The following FAM124A variants were observed in gnomAD, a reference collection of about 807,000 sequenced individuals.
FAM124A encodes family with sequence similarity 124 member A, also known as protein FAM124A.
In FAM124A, 23 loss-of-function variants were observed where a neutral mutation model predicts 24.5. The ratio of observed to expected loss-of-function variants is 0.94; its 90% CI spans 0.68 to 1.33. The LOEUF is 1.33. Ranked by LOEUF, FAM124A falls within the 40% of genes most tolerant of loss-of-function variation. The probability of loss-of-function intolerance (pLI) is 0.00; values close to 1 mark genes in which losing one functional copy is unlikely to be tolerated. For synonymous variants in FAM124A, 287 were observed against 314.7 expected (o/e 0.91, Z 0.93); for missense variants, 623 against 722.8 (o/e 0.86, Z 1.58).
intron 1 of FAM124A, chr13:51,227,407 T>C (rs1404945600): frequency 6.6e-6 from 1 of 152,222 alleles, no homozygotes; most frequent in African/African-American, 2.4e-5. Context: ...TTGCTTGAAA[T>C]GCTGCTGCTG....
In FAM124A at chr13:51,280,648, G is replaced by A. The variant is rs199909455; in HGVS notation, c.1033G>A (p.Gly345Arg). The A allele has an allele frequency of 7.5e-5, 121 of 1,614,056 alleles. No individual in the cohort carries two copies. The Admixed American group carries it at 1.3e-3, about 17-fold the overall frequency. Reference protein sequence around the residue: ...LPPGHQQEFAGRANSTPNPPW... With the variant: ...LPPGHQQEFARRANSTPNPPW... ...TCCTGGGCACCAGCAGGAATTTGCC[G>A]GACGAGCCAACAGCACCCCCAACCC... Residue 345 changes from glycine (G) to arginine (R), a missense_variant, in exon 4 of 4, where the codon GGA becomes AGA. Coordinates refer to ENST00000322475, the MANE Select transcript of FAM124A (RefSeq NM_001242312.2).
chr13:51,280,436 C>G lies in FAM124A; in HGVS notation c.835-14C>G. On this transcript the variant is annotated splice_polypyrimidine_tract_variant and intron_variant, in intron 3 of 3. Coordinates refer to ENST00000322475, the MANE Select transcript of FAM124A (RefSeq NM_001242312.2). Reference sequence around the variant, plus strand: ...CCCATCCTGCACTAATGTGATCTGCCTCTCCCCCCACAGGCACAAAGGGTG... The same window carrying G: ...CCCATCCTGCACTAATGTGATCTGCGTCTCCCCCCACAGGCACAAAGGGTG... 6.4e-7 allele frequency: 1 copy of G among 1,572,350 alleles called. No individual in the cohort carries two copies. The highest frequency in any genetic ancestry group is 2.3e-5 in the East Asian group (1 of 44,348).
chr13:51,248,344 T>C (rs183909542), intron 2 of FAM124A, among the ~76,000 whole-genome samples: 21 of 152,364 alleles, frequency 1.4e-4, no homozygotes, highest in African/African-American at 5.0e-4. Context: ...GTGGGCTTCC[T>C]GGCCTGCCAT....
intron 3 of FAM124A, among the ~76,000 whole-genome samples, chr13:51,263,753 T>C (rs952901420): frequency 6.6e-6 from 1 of 152,222 alleles, no homozygotes; most frequent in Non-Finnish European, 1.5e-5. Context: ...ATTTGGTATT[T>C]ATAAATTATA....
In FAM124A at chr13:51,278,902, C is replaced by T. The variant is rs2137714100; in HGVS notation, c.835-1548C>T. Among the ~76,000 whole-genome samples, 2 of 152,302 alleles carry T rather than the reference C, an allele frequency of 1.3e-5. 1 individual carries two copies. The highest frequency in any genetic ancestry group is 4.1e-4 in the South Asian group (2 of 4,820). ...TGACACTGGGAACATTTAGACGTCC[C>T]CTGGCATTCCTTGCATGGGAACCTT... On this transcript the variant is annotated intron_variant, in intron 3 of 3. Transcript: ENST00000322475.
At chr13:51,276,165 G>C (rs1003960880) in intron 3 of FAM124A, among the ~76,000 whole-genome samples, 26 of 152,190 alleles carry the variant, frequency 1.7e-4, no homozygotes, top group African/African-American at 5.8e-4. Context: ...CAAGGAGCTT[G>C]TTCAGGTTTG....
intron 2 of FAM124A, among the ~76,000 whole-genome samples, chr13:51,240,484 GA>G (rs1055309271): frequency 6.6e-6 from 1 of 152,166 alleles, no homozygotes; most frequent in Non-Finnish European, 1.5e-5. Context: ...CAATTATGGA[GA>G]TAATTGGGCC....
rs188282925 is a variant in FAM124A, at chr13:51,232,254, T to C, written c.100+875T>C. Among the ~76,000 whole-genome samples, 21 of 152,210 alleles carry C rather than the reference T, an allele frequency of 1.4e-4. No individual in the cohort carries two copies. The East Asian group carries it at 3.9e-3, about 28-fold the overall frequency. On this transcript the variant is annotated intron_variant, in intron 2 of 3. Coordinates refer to ENST00000322475, the MANE Select transcript of FAM124A (RefSeq NM_001242312.2). Reference sequence around the variant, plus strand: ...CCTCATAACTAGAAAGAATTGAGAGTGATTAAGATTACTACATAAATGACC... The same window carrying C: ...CCTCATAACTAGAAAGAATTGAGAGCGATTAAGATTACTACATAAATGACC...
At position 51,280,796 on chromosome 13, in the gene FAM124A, A is replaced by C. The variant is rs747083506; in HGVS notation, c.1181A>C (p.Glu394Ala). 46 of 1,614,032 alleles carry C rather than the reference A, an allele frequency of 2.9e-5. No homozygotes were observed. The East Asian group carries it at 1.0e-3, about 35-fold the overall frequency. ...NTGAPGHRAS[E>A]WRHGHLLSID... is the part of the protein sequence containing the mutation. ...GGTGCCCCAGGGCACAGGGCATCAG[A>C]GTGGAGGCATGGCCACCTCCTCTCC... The change falls in exon 4 of 4, where the codon GAG becomes GCG. Residue 394 changes from glutamate to alanine, a missense_variant. Glu to Ala is a moderately radical substitution (Grantham distance 107). Transcript: ENST00000322475.
chr13:51,241,998 G>A (rs371126180), intron 2 of FAM124A, among the ~76,000 whole-genome samples: 5 of 152,162 alleles, frequency 3.3e-5, no homozygotes, highest in Non-Finnish European at 1.5e-5. Context: ...TTCCTCCCAC[G>A]AGCTCTAGTG....
intron 3 of FAM124A, among the ~76,000 whole-genome samples, chr13:51,254,585 A>T (rs570247425): frequency 6.6e-6 from 1 of 152,288 alleles, no homozygotes; most frequent in Admixed American, 6.5e-5. Flanking sequence ...GTTGTTGAAG[A>T]TTCCTCTGGA....
In FAM124A at chr13:51,281,962, A is replaced by T. The variant is rs1055521977; in HGVS notation, c.*706A>T. The T allele has an allele frequency of 6.6e-6, 1 of 152,162 alleles. No individual in the cohort carries two copies. The highest frequency in any genetic ancestry group is 1.5e-5 in the Non-Finnish European group (1 of 68,034). 9.4% of individuals were successfully genotyped at this position (152,162 alleles called of 1,614,324 possible). A position where few individuals can be genotyped will look rare whatever the true frequency, so the allele number is the denominator to read the frequency against. The stretch of plus-strand genomic sequence containing the variant: ...AAAATATGTGAGTTCCAGAAAGTAG[A>T]TTTGCATACACCTTTTCAACAGCAC... On this transcript the variant is annotated 3_prime_UTR_variant, in exon 4 of 4. Coordinates refer to ENST00000322475, the MANE Select transcript of FAM124A (RefSeq NM_001242312.2).
At chr13:51,247,015 G>T (rs1415445515) in intron 2 of FAM124A, among the ~76,000 whole-genome samples, 1 of 152,250 alleles carries the variant, frequency 6.6e-6, no homozygotes, top group Non-Finnish European at 1.5e-5. Context: ...GCACTGCTGA[G>T]ATGTGAAGAC....
chr13:51,279,711 C>T (rs1217547311), intron 3 of FAM124A, among the ~76,000 whole-genome samples: 1 of 152,180 alleles, frequency 6.6e-6, no homozygotes, highest in Non-Finnish European at 1.5e-5. Flanking sequence ...TATGACAGGG[C>T]AAAGCTGCTC....
intron 2 of FAM124A, among the ~76,000 whole-genome samples, chr13:51,232,353 G>T (rs1036256618): frequency 3.9e-5 from 6 of 152,268 alleles, no homozygotes; most frequent in African/African-American, 9.6e-5. Context: ...GGCCCTGATT[G>T]TTTAAATCAG....
chr13:51,244,466 T>C (rs1449832564), intron 2 of FAM124A, among the ~76,000 whole-genome samples: 1 of 152,200 alleles, frequency 6.6e-6, no homozygotes, highest in Non-Finnish European at 1.5e-5. Flanking sequence ...CAGTGACAAA[T>C]TGTGTCTAAA....
At chr13:51,259,512 AAC>A (rs1954711596) in intron 3 of FAM124A, among the ~76,000 whole-genome samples, 1 of 151,352 alleles carries the variant, frequency 6.6e-6, no homozygotes, top group African/African-American at 2.4e-5. Context: ...TCCCCACATA[AAC>A]ACACGCCGGC....
intron 2 of FAM124A, among the ~76,000 whole-genome samples, chr13:51,247,309 G>A (rs746275346): frequency 6.6e-6 from 1 of 152,208 alleles, no homozygotes; most frequent in Non-Finnish European, 1.5e-5. Context: ...TGGTGCACAC[G>A]GAACTCGGAT....
At chr13:51,236,510 G>A (rs973898078) in intron 2 of FAM124A, among the ~76,000 whole-genome samples, 13 of 152,232 alleles carry the variant, frequency 8.5e-5, no homozygotes, top group Non-Finnish European at 1.3e-4. Context: ...TGAGCTCATT[G>A]TGATATAATT....
Sources: allele counts gnomAD v4.1 joint callset (sites outside exome capture counted in the v4.1 genomes callset), GRCh38; gene constraint gnomAD v4.1.1; transcripts MANE v1.5; gene names NCBI Gene and HGNC (gene_info 2026-07-23, HGNC 2026-07-21).